The following ERICH2 variants were observed in gnomAD, a reference collection of about 807,000 sequenced individuals.
The protein encoded by ERICH2 is glutamate rich 2.
A neutral mutation model predicts 17.4 loss-of-function variants in ERICH2; 17 were observed. The ratio of observed to expected loss-of-function variants is 0.98; its 90% CI spans 0.67 to 1.47. The LOEUF is 1.47. Among genes scored for constraint, ERICH2 ranks in the 40% most tolerant of loss-of-function variants. The pLI is 0.00. For synonymous variants in ERICH2, 51 were observed against 61.1 expected, an observed-to-expected ratio of 0.83 and a Z score of 0.77; for missense variants, 186 against 183.2, an observed-to-expected ratio of 1.01 and a Z score of -0.09.
intron 3 of ERICH2, among the ~76,000 whole-genome samples, chr2:170,794,231 T>C (rs779194059): frequency 1.3e-5 from 2 of 149,192 alleles, no homozygotes; most frequent in Non-Finnish European, 3.0e-5. Flanking sequence ...TTCAGCCTCA[T>C]AAGCAGCTGG....
At chr2:170,780,765 A>T (rs1575404897), upstream of ERICH2, among the ~76,000 whole-genome samples, 1 of 152,318 alleles carries the variant, frequency 6.6e-6, no homozygotes, top group Admixed American at 6.5e-5. Flanking sequence ...TAAACATTGT[A>T]TCTTAGATTC....
At chr2:170,791,017 A>C (rs1224741394) in intron 2 of ERICH2, among the ~76,000 whole-genome samples, 1 of 152,180 alleles carries the variant, frequency 6.6e-6, no homozygotes, top group African/African-American at 2.4e-5. Context: ...CTTTAATTCA[A>C]ACTAAAAACC....
chr2:170,781,270 T>C (rs1349454749), upstream of ERICH2, among the ~76,000 whole-genome samples: 3 of 152,166 alleles, frequency 2.0e-5, no homozygotes, highest in African/African-American at 4.8e-5. Context: ...TATATTTCCA[T>C]GCAAACTAGA....
At chr2:170,793,229 GAC>G (rs1053824417) in intron 3 of ERICH2, among the ~76,000 whole-genome samples, 2 of 152,186 alleles carry the variant, frequency 1.3e-5, no homozygotes, top group Non-Finnish European at 1.5e-5. Context: ...AGTGTCAGGT[GAC>G]ACAGCAGTCA....
chr2:170,777,815 C>A, the ERICH2 span: 1 of 451,988 alleles, frequency 2.2e-6, no homozygotes, highest in Non-Finnish European at 3.5e-6. Flanking sequence ...TCAGCTTTTG[C>A]TGCAGTCAAA....
At chr2:170,798,799 G>A (rs1338531926) in exon 5 of ERICH2, 3 of 1,550,666 alleles carry the variant, frequency 1.9e-6, no homozygotes, top group East Asian at 2.4e-5. Flanking sequence ...GCAAGACGGT[G>A]AAAACAGTGA....
the ERICH2 span, chr2:170,777,392 CAG>C: frequency 8.6e-7 from 1 of 1,157,590 alleles, no homozygotes; most frequent in East Asian, 4.1e-5. Context: ...AAAGAACAAA[CAG>C]AATGGCAGAT....
chr2:170,783,787 A>G, exon 1 of ERICH2: 1 of 1,550,214 alleles, frequency 6.5e-7, no homozygotes, highest in Non-Finnish European at 8.7e-7. Flanking sequence ...CAGTGCATTG[A>G]GTCAGTCTAC....
intron 2 of ERICH2, among the ~76,000 whole-genome samples, chr2:170,791,403 G>A (rs1701284292): frequency 6.6e-6 from 1 of 151,976 alleles, no homozygotes; most frequent in Admixed American, 6.6e-5. Context: ...AGGTAGTACA[G>A]CAGTCAAACC....
chr2:170,798,878 G>A, exon 5 of ERICH2: 1 of 1,550,582 alleles, frequency 6.4e-7, no homozygotes, highest in Non-Finnish European at 8.7e-7. Flanking sequence ...TCTGACGAAG[G>A]TGAAGATGGA....
intron 2 of ERICH2, among the ~76,000 whole-genome samples, chr2:170,789,227 A>G (rs1701227387): frequency 6.6e-6 from 1 of 151,828 alleles, no homozygotes; most frequent in African/African-American, 2.4e-5. Flanking sequence ...GGCCTCCCAA[A>G]GTGTTGGGAT....
At chr2:170,792,996 C>A in intron 3 of ERICH2, 76 bp downstream of exon 8, 4 of 864,302 alleles carry the variant, frequency 4.6e-6, no homozygotes, top group Non-Finnish European at 5.3e-6. Flanking sequence ...TATAAAATGG[C>A]TTGATTATCA....
chr2:170,779,331 A>G (rs1700976267), upstream of ERICH2, among the ~76,000 whole-genome samples: 1 of 152,178 alleles, frequency 6.6e-6, no homozygotes, highest in Non-Finnish European at 1.5e-5. Flanking sequence ...AGGTTGGGTT[A>G]GGGAAAACTA....
upstream of ERICH2, among the ~76,000 whole-genome samples, chr2:170,779,200 A>T (rs1700973020): frequency 6.6e-6 from 1 of 152,152 alleles, no homozygotes; most frequent in African/African-American, 2.4e-5. Flanking sequence ...TTTGCATGGG[A>T]AGAGTGTGAC....
the ERICH2 span, among the ~76,000 whole-genome samples, chr2:170,770,942 C>T: frequency 6.7e-6 from 1 of 148,820 alleles, no homozygotes; most frequent in African/African-American, 2.5e-5. Flanking sequence ...CCCGCCTCCA[C>T]CCTGCCTCTC....
the ERICH2 span, chr2:170,771,323 T>TGGGCCCC: frequency 6.6e-6 from 1 of 152,242 alleles, no homozygotes; most frequent in Non-Finnish European, 1.5e-5. This position sits in a 1 kb window ranked among gnomAD's most constrained non-coding sequence, Gnocchi z 4.8. Flanking sequence ...GTTCTGGCTC[T>TGGGCCCC]GGGCCCCGGG....
In ERICH2 at chr2:170,790,281, C is replaced by T. The variant is rs575985790; in HGVS notation, c.217-2582C>T. Among the ~76,000 whole-genome samples the T allele has an allele frequency of 2.2e-4, 33 of 150,924 alleles. No homozygotes were observed. In the South Asian group the frequency reaches 6.3e-3, roughly 29 times the overall value. On this transcript the variant is annotated intron_variant, in intron 2 of 4. Transcript: ENST00000409885. Reference sequence around the variant, plus strand: ...GAGGCTAGGCAGGAGAATCACTTGACGTCAGGAATTCAAGACCGGCCTGGC... The same window carrying T: ...GAGGCTAGGCAGGAGAATCACTTGATGTCAGGAATTCAAGACCGGCCTGGC...
At chr2:170,775,691 C>T in the ERICH2 span, 1 of 152,536 alleles carries the variant, frequency 6.6e-6, no homozygotes, top group African/African-American at 2.4e-5. Context: ...CAAAAGATGC[C>T]GTGCTGTTCT....
chr2:170,773,896 A>AT, the ERICH2 span, among the ~76,000 whole-genome samples: 3 of 151,752 alleles, frequency 2.0e-5, no homozygotes, highest in Non-Finnish European at 4.4e-5. Context: ...TGGCTAATTA[A>AT]TTTTTTATAG....
Sources: gnomAD v4.1 joint callset for allele counts (sites outside exome capture counted in the v4.1 genomes callset) on GRCh38, gnomAD v4.1.1 for gene constraint, Gnocchi (gnomAD v3.1) non-coding constraint, MANE v1.5 for transcripts, NCBI Gene and HGNC (gene_info 2026-07-23, HGNC 2026-07-21) for gene names.